Variants in CDH13 observed in about 807,000 individuals in gnomAD.
The protein encoded by CDH13 is cadherin-13.
CDH13 carries 24 observed loss-of-function variants against 63.8 expected under a neutral mutation model. The observed-to-expected ratio is 0.38, with a 90% confidence interval of 0.27 to 0.53. The LOEUF (loss-of-function observed/expected upper bound fraction) is 0.53, where lower values mean the gene tolerates loss of function less well. Ranked by LOEUF, CDH13 falls within the 20% of genes least tolerant of loss-of-function variation. CDH13 has a pLI of 0.85. For synonymous variants in CDH13, 503 were observed against 355.3 expected (o/e 1.42, Z -4.67); for missense variants, 1,049 against 903.1 (o/e 1.16, Z -2.07).
intron 8 of CDH13, among the ~76,000 whole-genome samples, chr16:83,625,460 C>T (rs1443933194): frequency 6.6e-6 from 1 of 152,192 alleles, no homozygotes; most frequent in African/African-American, 2.4e-5. Flanking sequence ...CCACATGCTA[C>T]TGACCATCGC....
chr16:83,256,896 T>A (rs1331407033), intron 5 of CDH13, among the ~76,000 whole-genome samples: 1 of 150,974 alleles, frequency 6.6e-6, no homozygotes, highest in Non-Finnish European at 1.5e-5. Flanking sequence ...TTAGACTTCA[T>A]GCTCCCTGGC....
chr16:83,194,481 C>T (rs74031459), intron 4 of CDH13, among the ~76,000 whole-genome samples: 1 of 152,198 alleles, frequency 6.6e-6, no homozygotes, highest in African/African-American at 2.4e-5. Flanking sequence ...GGAACTGTGT[C>T]AGGCCTTCCA....
At chr16:83,775,191 G>T (rs1352588280) in intron 11 of CDH13, among the ~76,000 whole-genome samples, 2 of 151,758 alleles carry the variant, frequency 1.3e-5, no homozygotes, top group East Asian at 3.9e-4. Flanking sequence ...CTGGACCTCA[G>T]CCTCACCATA....
chr16:82,729,784 A>T (rs982418455), intron 1 of CDH13, among the ~76,000 whole-genome samples: 1 of 152,150 alleles, frequency 6.6e-6, no homozygotes, highest in African/African-American at 2.4e-5. Flanking sequence ...TTCTTCCAGT[A>T]TAAAGATGTT....
At chr16:82,713,555 G>C (rs1312330281) in intron 1 of CDH13, among the ~76,000 whole-genome samples, 8 of 152,076 alleles carry the variant, frequency 5.3e-5, no homozygotes, top group Non-Finnish European at 1.2e-4. Flanking sequence ...GTGGTCAAGA[G>C]TACGGACTCA....
At chr16:82,694,525 A>G (rs577655792) in intron 1 of CDH13, among the ~76,000 whole-genome samples, 1 of 152,294 alleles carries the variant, frequency 6.6e-6, no homozygotes, top group East Asian at 1.9e-4. Context: ...TTATGATTAT[A>G]CTAAGACTAT....
chr16:83,532,326 A>G (rs7190015), intron 7 of CDH13, among the ~76,000 whole-genome samples: 22,966 of 152,158 alleles, frequency 0.15, 2,023 homozygotes, highest in African/African-American at 0.25. Context: ...TCACCCCAAG[A>G]TTAGAAGAGT....
chr16:82,927,489 G>A (rs2042341190), intron 2 of CDH13, among the ~76,000 whole-genome samples: 2 of 152,096 alleles, frequency 1.3e-5, no homozygotes, highest in Admixed American at 1.3e-4. Context: ...AGAGGCTGCG[G>A]GTATTTAGAA....
At chr16:82,708,304 G>A (rs1268510064) in intron 1 of CDH13, among the ~76,000 whole-genome samples, 3 of 152,160 alleles carry the variant, frequency 2.0e-5, no homozygotes, top group African/African-American at 7.2e-5. Context: ...AAGGAGGAGA[G>A]AATGGGTTTT....
At chr16:83,593,514 T>C (rs1906959603) in intron 7 of CDH13, among the ~76,000 whole-genome samples, 1 of 151,982 alleles carries the variant, frequency 6.6e-6, no homozygotes, top group Non-Finnish European at 1.5e-5. Flanking sequence ...ATCAGGAGAA[T>C]CTGTTCTTAA....
intron 4 of CDH13, among the ~76,000 whole-genome samples, chr16:83,139,730 G>A (rs1468780269): frequency 2.6e-5 from 4 of 152,054 alleles, no homozygotes; most frequent in Non-Finnish European, 2.9e-5. Context: ...CCGGCCAGGC[G>A]CAGTGGTTCA....
At chr16:82,664,785 A>G (rs1400103756) in intron 1 of CDH13, among the ~76,000 whole-genome samples, 1 of 152,184 alleles carries the variant, frequency 6.6e-6, no homozygotes, top group Non-Finnish European at 1.5e-5. Flanking sequence ...TTGATATGAA[A>G]CAGTAACAAC....
intron 2 of CDH13, among the ~76,000 whole-genome samples, chr16:82,898,361 C>G (rs1393434190): frequency 6.6e-6 from 1 of 152,142 alleles, no homozygotes; most frequent in Non-Finnish European, 1.5e-5. Context: ...CCCGTCTCTA[C>G]TAAAAATACA....
chr16:82,849,916 C>T (rs1348591124), intron 1 of CDH13, among the ~76,000 whole-genome samples: 1 of 152,246 alleles, frequency 6.6e-6, no homozygotes, highest in East Asian at 1.9e-4. Flanking sequence ...TTGAGAACTG[C>T]TGCTCAGAAA....
intron 1 of CDH13, among the ~76,000 whole-genome samples, chr16:82,832,551 C>T (rs916137633): frequency 1.3e-5 from 2 of 151,566 alleles, no homozygotes; most frequent in Non-Finnish European, 2.9e-5. Context: ...TATAGGCTGT[C>T]ACTATCCACA....
intron 1 of CDH13, among the ~76,000 whole-genome samples, chr16:82,714,259 A>T (rs558194924): frequency 6.6e-6 from 1 of 152,176 alleles, no homozygotes; most frequent in Admixed American, 6.5e-5. Flanking sequence ...TTCCAAGTCT[A>T]TTAAGTATTG....
At chr16:82,965,630 A>G (rs72790185) in intron 2 of CDH13, among the ~76,000 whole-genome samples, 24,023 of 152,040 alleles carry the variant, frequency 0.16, 1,990 homozygotes, top group Middle Eastern at 0.2. Context: ...TTCCAGGTTC[A>G]AGGGATTCTC....
At chr16:83,692,505 G>A (rs921193761) in intron 10 of CDH13, among the ~76,000 whole-genome samples, 7 of 152,128 alleles carry the variant, frequency 4.6e-5, no homozygotes, top group African/African-American at 9.7e-5. Flanking sequence ...CGTCTGTCCC[G>A]GTTTCTTTCC....
At chr16:82,765,019 T>C (rs2151088856) in intron 1 of CDH13, among the ~76,000 whole-genome samples, 1 of 152,256 alleles carries the variant, frequency 6.6e-6, no homozygotes, top group African/African-American at 2.4e-5. Context: ...TTTCACCATG[T>C]TGGCCAGGCA....
Sources: gnomAD v4.1 joint callset for allele counts (sites outside exome capture counted in the v4.1 genomes callset) on GRCh38, gnomAD v4.1.1 for gene constraint, MANE v1.5 for transcripts, NCBI Gene and HGNC (gene_info 2026-07-23, HGNC 2026-07-21) for gene names.